IFIT1: variants seen among roughly 807,000 people sequenced by gnomAD.
The protein encoded by IFIT1 is interferon induced protein with tetratricopeptide repeats 1.
A neutral mutation model predicts 2.5 loss-of-function variants in IFIT1; 1 was observed. The ratio of observed to expected loss-of-function variants is 0.40; its 90% CI spans 0.14 to 1.92. The LOEUF (loss-of-function observed/expected upper bound fraction) is 1.92, where lower values mean the gene tolerates loss of function less well. IFIT1 is among the 40% of genes most tolerant of loss of function. The pLI is 0.31. For missense variants in IFIT1, 508 were observed against 557.8 expected (o/e 0.91, Z 0.90); for synonymous variants, 191 against 201.7 (o/e 0.95, Z 0.45).
intron 1 of IFIT1, among the ~76,000 whole-genome samples, chr10:89,394,770 A>G (rs546750817): frequency 3.4e-4 from 52 of 152,054 alleles, no homozygotes; most frequent in Non-Finnish European, 6.8e-4. Flanking sequence ...TGCAATCATC[A>G]TCACTATCTA....
At chr10:89,393,283 C>A in intron 1 of IFIT1, 1 of 1,289,600 alleles carries the variant, frequency 7.8e-7, no homozygotes, top group Non-Finnish European at 1.0e-6. Context: ...CAGGTTTTCG[C>A]AATCAGGCTG....
At chr10:89,394,264 T>G (rs1254789862) in intron 1 of IFIT1, among the ~76,000 whole-genome samples, 1 of 152,170 alleles carries the variant, frequency 6.6e-6, no homozygotes, top group Non-Finnish European at 1.5e-5. Context: ...ATTGTGGCAT[T>G]AAAATCTTAT....
Position 89,402,555 on chromosome 10 carries a change from A to C in IFIT1, c.280A>C (p.Ser94Arg). 1 of 1,614,136 alleles carries C rather than the reference A, an allele frequency of 6.2e-7. No homozygotes were observed. The highest frequency in any genetic ancestry group is 8.5e-7 in the Non-Finnish European group (1 of 1,179,960). Reference protein sequence around the residue: ...EEHDNQANVRSLVTWGNFAWM... With the variant: ...EEHDNQANVRRLVTWGNFAWM... ...ACATGACAACCAAGCAAATGTGAGG[A>C]GTCTGGTGACCTGGGGCAACTTTGC... The change falls in exon 2 of 2, where the codon AGT becomes CGT. Residue 94 changes from serine to arginine, a missense_variant. Coordinates refer to ENST00000371804, the MANE Select transcript of IFIT1 (RefSeq NM_001548.5).
Position 89,405,734 on chromosome 10 carries a change from CTT to C in IFIT1, c.*2025_*2026del. On this transcript the variant is annotated 3_prime_UTR_variant, in exon 2 of 2. Transcript: ENST00000371804. ...TCACATCTCCTTCTCTCCTCTGACT[CTT>C]TTGCCTCTTTCTTCTAAGGACGCAC... The C allele has an allele frequency of 6.6e-6, 1 of 152,370 alleles. No individual in the cohort carries two copies. The highest frequency in any genetic ancestry group is 1.9e-4 in the East Asian group (1 of 5,188). 9.4% of individuals were successfully genotyped at this position (152,370 alleles called of 1,614,324 possible).
At position 89,403,594 on chromosome 10, in the gene IFIT1, T is replaced by G; in HGVS notation, c.1319T>G (p.Leu440Trp). ...AGAAAGGCATTAGATCTGGAAAGCT[T>G]GAGCCTCCTTGGGTTCGTCTACAAA... ...LRRKALDLES[L>W]SLLGFVYKLE... is the part of the protein sequence containing the mutation. Residue 440 changes from leucine to tryptophan, a missense_variant, in exon 2 of 2, where the codon TTG (leucine) becomes TGG (tryptophan). By Grantham distance (61) the Leu-to-Trp change is moderately conservative. Transcript: ENST00000371804. The G allele has an allele frequency of 6.2e-7, 1 of 1,614,056 alleles. No homozygotes were observed. Among genetic ancestry groups the G allele is most frequent in the Non-Finnish European group, 8.5e-7 (1 of 1,179,928 alleles).
Position 89,392,705 on chromosome 10 carries a change from C to T in IFIT1, c.-8C>T, listed in dbSNP as rs776926289. 2 of 1,614,078 alleles carry T rather than the reference C, an allele frequency of 1.2e-6. No homozygotes were observed. Among genetic ancestry groups the T allele is most frequent in the South Asian group, 1.1e-5 (1 of 91,084 alleles). On this transcript the variant is annotated 5_prime_UTR_variant, in exon 1 of 2. Transcript: ENST00000371804. ...CCCTGCAGAACGGCTGCCTAATTTACAGCAACCATGAGGTAAGGATTTCTT... is the reference window on the plus strand; with the variant it reads ...CCCTGCAGAACGGCTGCCTAATTTATAGCAACCATGAGGTAAGGATTTCTT...
intron 1 of IFIT1, among the ~76,000 whole-genome samples, chr10:89,401,177 C>T (rs76235720): frequency 0.019 from 2,827 of 150,482 alleles, 93 homozygotes; most frequent in African/African-American, 0.066. Flanking sequence ...AGTGCAGTGG[C>T]GCGATCTCAG....
intron 1 of IFIT1, among the ~76,000 whole-genome samples, chr10:89,398,718 T>C (rs933123973): frequency 1.3e-5 from 2 of 152,256 alleles, no homozygotes; most frequent in Non-Finnish European, 1.5e-5. Flanking sequence ...GTCTTTTCTT[T>C]TTTAAGGCTG....
Position 89,403,283 on chromosome 10 carries a change from G to T in IFIT1, c.1008G>T (p.Lys336Asn). 1 of 1,614,144 alleles carries T rather than the reference G, an allele frequency of 6.2e-7. No individual in the cohort carries two copies. Among genetic ancestry groups the T allele is most frequent in the South Asian group, 1.1e-5 (1 of 91,076 alleles). Residue 336 changes from lysine (K) to asparagine (N), a missense_variant, in exon 2 of 2, where the codon AAG (lysine) becomes AAT (asparagine). Coordinates refer to ENST00000371804, the MANE Select transcript of IFIT1 (RefSeq NM_001548.5). Reference protein sequence around the residue: ...IFHFESAVEKKPTFEVAHLDL... With the variant: ...IFHFESAVEKNPTFEVAHLDL... ...ATTTTGAATCTGCAGTGGAAAAAAA[G>T]CCCACATTTGAGGTGGCTCATCTAG...
At chr10:89,394,603 TATATATATATATATATATATATATAA>T (rs879499044) in intron 1 of IFIT1, among the ~76,000 whole-genome samples, 5,520 of 57,472 alleles carry the variant, frequency 0.096, 311 homozygotes, top group East Asian at 0.23. Context: ...TATATATATA[TATATATATATATATATATATATATAA>T]AACTTGAATT....
rs1844328685 is a variant in IFIT1, at chr10:89,395,443, T to G, written c.5+2726T>G. 2.0e-5 allele frequency among the ~76,000 whole-genome samples: 3 copies of G among 152,258 alleles called. No individual in the cohort carries two copies. In the South Asian group the frequency reaches 6.2e-4, roughly 31 times the overall value. ...CATATTACCCTCTTCTCTCTGGATC[T>G]GTAAGTAATAAGCTGCTTCTGTTAT... On this transcript the variant is annotated intron_variant, in intron 1 of 1. Coordinates refer to ENST00000371804, the MANE Select transcript of IFIT1 (RefSeq NM_001548.5).
intron 1 of IFIT1, among the ~76,000 whole-genome samples, 196 bp downstream of exon 1, chr10:89,392,913 AT>A (rs1390638896): frequency 6.6e-6 from 1 of 152,178 alleles, no homozygotes; most frequent in East Asian, 1.9e-4. Context: ...ATGCATTTTT[AT>A]GTTTGTTAGC....
In IFIT1 at chr10:89,402,283, C is replaced by A. The variant is rs138953644; in HGVS notation, c.8C>A (p.Thr3Lys). 105 of 1,601,380 alleles carry A rather than the reference C, an allele frequency of 6.6e-5. No individual in the cohort carries two copies. Among genetic ancestry groups the A allele is most frequent in the Admixed American group, 1.0e-4 (6 of 58,508 alleles). ...AAAATCTGTTTTTGTTTTTACAGTACAAATGGTGATGATCATCAGGTCAAG... is the reference window on the plus strand; with the variant it reads ...AAAATCTGTTTTTGTTTTTACAGTAAAAATGGTGATGATCATCAGGTCAAG... MS[T>K]NGDDHQVKDS... Residue 3 changes from threonine (T) to lysine (K), a missense_variant and splice_region_variant, in exon 2 of 2, where the codon ACA becomes AAA. Physicochemically the swap from Thr to Lys is moderately conservative, Grantham distance 78. Transcript: ENST00000371804.
At chr10:89,399,819 G>T (rs1262659523) in intron 1 of IFIT1, among the ~76,000 whole-genome samples, 1 of 151,778 alleles carries the variant, frequency 6.6e-6, no homozygotes, top group Non-Finnish European at 1.5e-5. Flanking sequence ...TCGTAAGAGT[G>T]AGGCCTTAAT....
intron 1 of IFIT1, among the ~76,000 whole-genome samples, chr10:89,394,604 A>ATATATATATATATTT (rs1844311405): frequency 2.1e-5 from 1 of 48,140 alleles, no homozygotes; most frequent in African/African-American, 2.3e-4. Flanking sequence ...ATATATATAT[A>ATATATATATATATTT]TATATATATA....
Position 89,393,350 on chromosome 10 carries a change from T to C in IFIT1, c.5+633T>C, listed in dbSNP as rs905059056. The C allele has an allele frequency of 3.3e-6, 4 of 1,221,670 alleles. No individual in the cohort carries two copies. In the African/African-American group the frequency reaches 6.3e-5, roughly 19 times the overall value. 75.7% of individuals were successfully genotyped at this position (1,221,670 alleles called of 1,614,324 possible). On this transcript the variant is annotated intron_variant, in intron 1 of 1. Coordinates refer to ENST00000371804, the MANE Select transcript of IFIT1 (RefSeq NM_001548.5). ...GAAAATCTAGGCTCTTGGTACGTCC[T>C]TGACTGAAGATGATCCACATCTGCT... is the stretch of plus-strand genomic sequence containing the variant.
chr10:89,392,773 A>C, intron 1 of IFIT1, 56 bp downstream of exon 1: 1 of 1,551,470 alleles, frequency 6.4e-7, no homozygotes, highest in Non-Finnish European at 8.9e-7. Context: ...AAAAATGGTA[A>C]TTAAATACTA....
Position 89,405,832 on chromosome 10 carries a change from C to A in IFIT1, c.*2120C>A, listed in dbSNP as rs1343406138. 6.6e-6 allele frequency: 1 copy of A among 152,154 alleles called. No homozygotes were observed. Among genetic ancestry groups the A allele is most frequent in the Admixed American group, 6.5e-5 (1 of 15,284 alleles). 9.4% of individuals were successfully genotyped at this position (152,154 alleles called of 1,614,324 possible). A position where few individuals can be genotyped will look rare whatever the true frequency, so the allele number is the denominator to read the frequency against. On this transcript the variant is annotated 3_prime_UTR_variant, in exon 2 of 2. Coordinates refer to ENST00000371804, the MANE Select transcript of IFIT1 (RefSeq NM_001548.5). ...CTTAATTTAATAACATCTGCAAAGT[C>A]CCTTTTGCTATGTAAAGTAGCATGT... is the stretch of plus-strand genomic sequence containing the variant.
chr10:89,396,085 A>G, intron 1 of IFIT1, among the ~76,000 whole-genome samples: 1 of 152,244 alleles, frequency 6.6e-6, no homozygotes, highest in South Asian at 2.1e-4. Flanking sequence ...TAAGTATCTT[A>G]AGTATATATC....
Sources: allele counts gnomAD v4.1 joint callset (sites outside exome capture counted in the v4.1 genomes callset), GRCh38; gene constraint gnomAD v4.1.1; transcripts MANE v1.5; gene names NCBI Gene and HGNC (gene_info 2026-07-23, HGNC 2026-07-21).